DYNC1I1: variants seen among roughly 807,000 people sequenced by gnomAD.
DYNC1I1 encodes dynein cytoplasmic 1 intermediate chain 1.
A neutral mutation model predicts 86.6 loss-of-function variants in DYNC1I1; 43 were observed. That is an observed-to-expected ratio of 0.50 (90% CI 0.39 to 0.64). The LOEUF (loss-of-function observed/expected upper bound fraction) is 0.64. Among genes scored for constraint, DYNC1I1 ranks in the 30% least tolerant of loss-of-function variants. DYNC1I1 has a pLI of 0.00. For missense variants in DYNC1I1, 604 were observed against 788.8 expected (o/e 0.77, Z 2.81); for synonymous variants, 262 against 283.7 (o/e 0.92, Z 0.77).
chr7:95,851,690 G>A (rs1157008712), intron 5 of DYNC1I1, among the ~76,000 whole-genome samples: 1 of 152,036 alleles, frequency 6.6e-6, no homozygotes, highest in Non-Finnish European at 1.5e-5. Flanking sequence ...TTAGACCAGA[G>A]TTTCGCTCTT....
At chr7:96,092,398 G>GT (rs1400505100) in intron 16 of DYNC1I1, among the ~76,000 whole-genome samples, 1 of 152,082 alleles carries the variant, frequency 6.6e-6, no homozygotes, top group African/African-American at 2.4e-5. Flanking sequence ...CTTACAATTT[G>GT]TTTCACACAA....
At chr7:95,916,313 C>CT (rs2116360283) in intron 6 of DYNC1I1, among the ~76,000 whole-genome samples, 1 of 152,266 alleles carries the variant, frequency 6.6e-6, no homozygotes, top group South Asian at 2.1e-4. Context: ...GATTGGCGAG[C>CT]TTTTCTTCGC....
intron 14 of DYNC1I1, among the ~76,000 whole-genome samples, chr7:96,064,006 G>A (rs73708458): frequency 0.025 from 3,735 of 152,202 alleles, 154 homozygotes; most frequent in African/African-American, 0.085. Context: ...TGTGGTTAGC[G>A]GGAGAGGTGG....
At chr7:96,046,896 T>TA (rs1232914227) in intron 14 of DYNC1I1, among the ~76,000 whole-genome samples, 1 of 152,180 alleles carries the variant, frequency 6.6e-6, no homozygotes, top group Non-Finnish European at 1.5e-5. Context: ...TGGGCATGCT[T>TA]AGACTGAGGT....
At chr7:95,882,182 T>A (rs1183286419) in intron 6 of DYNC1I1, among the ~76,000 whole-genome samples, 1 of 152,172 alleles carries the variant, frequency 6.6e-6, no homozygotes, top group African/African-American at 2.4e-5. Flanking sequence ...GTCAAGAGGA[T>A]ATTGTGAAGA....
intron 6 of DYNC1I1, among the ~76,000 whole-genome samples, chr7:95,933,216 A>C (rs1226035007): frequency 6.6e-6 from 1 of 152,170 alleles, no homozygotes; most frequent in Non-Finnish European, 1.5e-5. Flanking sequence ...TTAAAAACAT[A>C]ATCTCTAAAT....
chr7:96,009,208 C>T (rs866716502), intron 10 of DYNC1I1, among the ~76,000 whole-genome samples: 12 of 152,132 alleles, frequency 7.9e-5, no homozygotes, highest in Non-Finnish European at 2.9e-5. Context: ...ACTTTTTTCC[C>T]GGGAGTTCTC....
chr7:95,798,535 A>G (rs75805201), intron 1 of DYNC1I1, among the ~76,000 whole-genome samples: 4,845 of 152,196 alleles, frequency 0.032, 248 homozygotes, highest in African/African-American at 0.11. Context: ...AGCTGACAAG[A>G]GCAATTGTTT....
chr7:95,912,230 T>G (rs1791355787), intron 6 of DYNC1I1, among the ~76,000 whole-genome samples: 1 of 151,976 alleles, frequency 6.6e-6, no homozygotes, highest in African/African-American at 2.4e-5. Flanking sequence ...AGAGAGGGGG[T>G]TTCACCATGT....
intron 14 of DYNC1I1, among the ~76,000 whole-genome samples, chr7:96,052,073 C>G (rs1789419327): frequency 1.3e-5 from 2 of 151,974 alleles, no homozygotes; most frequent in African/African-American, 4.8e-5. Context: ...TGTCTGTATC[C>G]CATTACCTGG....
chr7:95,987,175 T>G lies in DYNC1I1; in HGVS notation c.843+20T>G. 1 of 1,587,252 alleles carries G rather than the reference T, an allele frequency of 6.3e-7. No homozygotes were observed. Among genetic ancestry groups the G allele is most frequent in the East Asian group, 2.2e-5 (1 of 44,758 alleles). On this transcript the variant is annotated intron_variant, in intron 9 of 16. Coordinates refer to ENST00000447467, the MANE Select transcript of DYNC1I1 (RefSeq NM_001135556.2). Reference sequence around the variant, plus strand: ...CTCCAGGTAAGAATTATTGCTGGGCTGGGACAAACTGGGCTTGTGTTCTCG... The same window carrying G: ...CTCCAGGTAAGAATTATTGCTGGGCGGGGACAAACTGGGCTTGTGTTCTCG...
intron 6 of DYNC1I1, among the ~76,000 whole-genome samples, chr7:95,901,918 G>A (rs901776736): frequency 5.3e-5 from 8 of 152,206 alleles, no homozygotes; most frequent in African/African-American, 1.9e-4. Flanking sequence ...TGATTTCCCT[G>A]GTGATGCTGA....
rs542357863 is a variant in DYNC1I1, at chr7:95,948,113, C to T, written c.491-29399C>T. Among the ~76,000 whole-genome samples the T allele has an allele frequency of 9.6e-4, 146 of 151,676 alleles. 1 individual carries two copies. Among genetic ancestry groups the T allele is most frequent in the South Asian group, 4.2e-3 (20 of 4,812 alleles). On this transcript the variant is annotated intron_variant, in intron 6 of 16. Transcript: ENST00000447467. ...GTAAGAATTTAGCAGAGGAAGGAAG[C>T]AGGAACCAGCCATCACCATCCCTCC...
rs1342429878 is a variant in DYNC1I1 at position 95,886,432 on chromosome 7, CA to C, written c.490+16441del. On this transcript the variant is annotated intron_variant, in intron 6 of 16. Transcript: ENST00000447467. ...CTGGGTGACAGAGTGAGACCTGTCT[CA>C]AAAAAATAAAGCAAAACAAAACAAA... Among the ~76,000 whole-genome samples, 10 of 148,458 alleles carry C rather than the reference CA, an allele frequency of 6.7e-5. No individual in the cohort carries two copies. The South Asian group carries it at 1.9e-3, about 28-fold the overall frequency.
intron 6 of DYNC1I1, among the ~76,000 whole-genome samples, chr7:95,973,460 TTC>T (rs1424078270): frequency 6.6e-6 from 1 of 152,212 alleles, no homozygotes; most frequent in Non-Finnish European, 1.5e-5. Flanking sequence ...TTTTTTAAAT[TTC>T]TCTGTTTTTC....
In DYNC1I1 at chr7:95,823,601, A is replaced by G. The variant is rs555334716; in HGVS notation, c.315-4456A>G. Among the ~76,000 whole-genome samples, 4 of 152,172 alleles carry G rather than the reference A, an allele frequency of 2.6e-5. 1 individual carries two copies. Among genetic ancestry groups the G allele is most frequent in the African/African-American group, 7.2e-5 (3 of 41,510 alleles). The stretch of plus-strand genomic sequence containing the variant: ...GCAAGTTCCATGTCCCTCAGCATAC[A>G]TGTGGTACTGCCGGGTAGGGGAAGC... On this transcript the variant is annotated intron_variant, in intron 4 of 16. Coordinates refer to ENST00000447467, the MANE Select transcript of DYNC1I1 (RefSeq NM_001135556.2).
At chr7:96,072,267 A>T (rs1790191641) in intron 14 of DYNC1I1, among the ~76,000 whole-genome samples, 1 of 152,192 alleles carries the variant, frequency 6.6e-6, no homozygotes, top group Non-Finnish European at 1.5e-5. Context: ...CTTTACCATT[A>T]TTGTAACAGC....
chr7:96,078,464 G>A (rs1790410079), intron 15 of DYNC1I1, among the ~76,000 whole-genome samples: 1 of 152,026 alleles, frequency 6.6e-6, no homozygotes, highest in Admixed American at 6.5e-5. Context: ...GAATTTTCTA[G>A]CGCATAATAT....
chr7:95,801,677 T>C (rs1284395415), intron 1 of DYNC1I1, among the ~76,000 whole-genome samples: 1 of 152,216 alleles, frequency 6.6e-6, no homozygotes, highest in Non-Finnish European at 1.5e-5. Context: ...TACATTTCAT[T>C]TTTGACTGTC....
Sources: gnomAD v4.1 joint callset for allele counts (sites outside exome capture counted in the v4.1 genomes callset) on GRCh38, gnomAD v4.1.1 for gene constraint, MANE v1.5 for transcripts, NCBI Gene and HGNC (gene_info 2026-07-23, HGNC 2026-07-21) for gene names.